TLL1: variants seen among roughly 807,000 people sequenced by gnomAD.
TLL1 encodes tolloid-like protein 1.
In TLL1, 49 loss-of-function variants were observed where a neutral mutation model predicts 128.2. The ratio of observed to expected loss-of-function variants is 0.38; its 90% CI spans 0.30 to 0.48. The LOEUF (loss-of-function observed/expected upper bound fraction) is 0.48. Among genes scored for constraint, TLL1 ranks in the 20% least tolerant of loss-of-function variants. The pLI is 0.96. For synonymous variants in TLL1, 454 were observed against 418.8 expected, an observed-to-expected ratio of 1.08 and a Z score of -1.03; for missense variants, 1,123 against 1,242.0, an observed-to-expected ratio of 0.90 and a Z score of 1.44.
chr4:166,103,728 G>C lies in TLL1; in HGVS notation c.*2852G>C, dbSNP rs958719847. 2 of 150,900 alleles carry C rather than the reference G, an allele frequency of 1.3e-5. No individual in the cohort carries two copies. The highest frequency in any genetic ancestry group is 4.9e-5 in the African/African-American group (2 of 41,128). The allele number at this position is 150,900 out of a possible 1,614,324, so 9.3% of individuals were successfully genotyped here. Reference sequence around the variant, plus strand: ...CTTCATTGTTGTATTGTTAATAATTGTTACTTACTGCTCCAGGCATTTTAT... The same window carrying C: ...CTTCATTGTTGTATTGTTAATAATTCTTACTTACTGCTCCAGGCATTTTAT... On this transcript the variant is annotated 3_prime_UTR_variant, in exon 21 of 21. Coordinates refer to ENST00000061240, the MANE Select transcript of TLL1 (RefSeq NM_012464.5).
chr4:165,959,365 A>G (rs1028488116), intron 1 of TLL1, among the ~76,000 whole-genome samples: 4 of 152,050 alleles, frequency 2.6e-5, no homozygotes, highest in East Asian at 1.9e-4. Flanking sequence ...TCTTCCATTT[A>G]TTTGTATCCT....
At chr4:165,891,890 A>T (rs780664059) in intron 1 of TLL1, among the ~76,000 whole-genome samples, 1 of 152,234 alleles carries the variant, frequency 6.6e-6, no homozygotes, top group African/African-American at 2.4e-5. Flanking sequence ...TTACAGCAGT[A>T]ACTCACTCTA....
At chr4:165,967,194 G>T (rs1199414622) in intron 1 of TLL1, among the ~76,000 whole-genome samples, 1 of 152,156 alleles carries the variant, frequency 6.6e-6, no homozygotes, top group Non-Finnish European at 1.5e-5. Flanking sequence ...AGGCCCAATG[G>T]TTATCTCCCT....
chr4:165,935,566 G>A (rs1019135749), intron 1 of TLL1, among the ~76,000 whole-genome samples: 2 of 152,238 alleles, frequency 1.3e-5, no homozygotes, highest in Admixed American at 1.3e-4. Context: ...TCAAGAAATA[G>A]AACATTTCCA....
At chr4:165,879,812 A>T (rs1171299289) in intron 1 of TLL1, among the ~76,000 whole-genome samples, 1 of 152,082 alleles carries the variant, frequency 6.6e-6, no homozygotes, top group Non-Finnish European at 1.5e-5. Flanking sequence ...GCTCAGACTT[A>T]GGCCAGGACT....
chr4:165,986,585 T>C (rs984164008), intron 1 of TLL1, among the ~76,000 whole-genome samples: 2 of 152,106 alleles, frequency 1.3e-5, no homozygotes, highest in African/African-American at 4.8e-5. Context: ...TATTCATCAC[T>C]ACCAAACTAT....
chr4:166,063,934 G>A (rs6823990), intron 15 of TLL1, among the ~76,000 whole-genome samples: 71,550 of 151,460 alleles, frequency 0.47, 19,526 homozygotes, highest in African/African-American at 0.77. Flanking sequence ...AACATGGCAC[G>A]TGTATACGTA....
At chr4:166,007,498 TCTC>T (rs1435769250) in intron 6 of TLL1, among the ~76,000 whole-genome samples, 2 of 151,708 alleles carry the variant, frequency 1.3e-5, no homozygotes, top group African/African-American at 4.8e-5. Context: ...TTTTATATCT[TCTC>T]CTATTGTTTC....
At chr4:166,019,743 G>A (rs1199950792) in intron 8 of TLL1, among the ~76,000 whole-genome samples, 2 of 152,052 alleles carry the variant, frequency 1.3e-5, no homozygotes, top group African/African-American at 2.4e-5. Flanking sequence ...TGTATCAGAA[G>A]AGTGATGGCA....
intron 1 of TLL1, among the ~76,000 whole-genome samples, chr4:165,936,722 G>T (rs2110915826): frequency 1.3e-5 from 2 of 151,302 alleles, no homozygotes; most frequent in Middle Eastern, 3.4e-3. Flanking sequence ...GAGGTCAGTA[G>T]TTCAAGACCA....
At chr4:166,075,586 T>C (rs937731926) in intron 17 of TLL1, among the ~76,000 whole-genome samples, 5 of 152,172 alleles carry the variant, frequency 3.3e-5, no homozygotes, top group African/African-American at 1.2e-4. Context: ...ATTCCAAAAC[T>C]TTTTTAAAGC....
At chr4:165,937,832 T>C (rs1733831410) in intron 1 of TLL1, among the ~76,000 whole-genome samples, 1 of 149,420 alleles carries the variant, frequency 6.7e-6, no homozygotes, top group Admixed American at 6.6e-5. Context: ...TAATTATACT[T>C]TCTGGTTTAT....
chr4:166,029,113 A>G (rs1436133508), intron 9 of TLL1, among the ~76,000 whole-genome samples: 1 of 151,850 alleles, frequency 6.6e-6, no homozygotes, highest in Non-Finnish European at 1.5e-5. Context: ...ATTTTAATAC[A>G]TCCCTTTTTT....
chr4:165,874,021 G>C lies in TLL1; in HGVS notation c.117G>C (p.Gly39=), dbSNP rs1054205654. The C allele has an allele frequency of 1.9e-6, 3 of 1,614,060 alleles. No individual in the cohort carries two copies. In the African/African-American group the frequency reaches 4.0e-5, roughly 22 times the overall value. Residue 39 remains glycine, a synonymous_variant, in exon 1 of 21, where the codon GGG becomes GGC. Transcript: ENST00000061240. ...AGLDYDYTFD[G]NEEDKTETID... is the part of the protein sequence containing the mutation. ...TCGATTATGATTACACTTTTGATGG[G>C]AACGAAGAGGATAAAACAGAGACTA...
chr4:166,095,756 C>T (rs1741988360), intron 19 of TLL1, among the ~76,000 whole-genome samples: 1 of 152,028 alleles, frequency 6.6e-6, no homozygotes, highest in Non-Finnish European at 1.5e-5. Context: ...GCTTCTCTTC[C>T]CTTCTTGTTA....
At chr4:165,943,098 C>A (rs1362351373) in intron 1 of TLL1, among the ~76,000 whole-genome samples, 1 of 151,992 alleles carries the variant, frequency 6.6e-6, no homozygotes, top group East Asian at 1.9e-4. Flanking sequence ...AATTGTATTG[C>A]AAGATTAACT....
intron 1 of TLL1, among the ~76,000 whole-genome samples, chr4:165,958,659 G>A (rs1343903134): frequency 7.2e-6 from 1 of 139,314 alleles, no homozygotes; most frequent in East Asian, 2.2e-4. Context: ...CATTTTGTAG[G>A]TTGCCTGTTC....
intron 8 of TLL1, among the ~76,000 whole-genome samples, chr4:166,021,358 A>G (rs745565311): frequency 6.6e-6 from 1 of 150,994 alleles, no homozygotes; most frequent in Non-Finnish European, 1.5e-5. Flanking sequence ...TGTGGGGAAC[A>G]TTGTTGCCTC....
intron 16 of TLL1, among the ~76,000 whole-genome samples, chr4:166,071,135 T>C (rs1425145083): frequency 6.6e-6 from 1 of 151,968 alleles, no homozygotes; most frequent in Non-Finnish European, 1.5e-5. Context: ...TACCTGCTCT[T>C]GTATGTTTCT....
Sources: allele counts gnomAD v4.1 joint callset (sites outside exome capture counted in the v4.1 genomes callset), GRCh38; gene constraint gnomAD v4.1.1; transcripts MANE v1.5; gene names NCBI Gene and HGNC (gene_info 2026-07-23, HGNC 2026-07-21).